HECTD4: variants seen among roughly 807,000 people sequenced by gnomAD.
HECTD4 encodes probable E3 ubiquitin-protein ligase HECTD4.
In HECTD4, 114 loss-of-function variants were observed where a neutral mutation model predicts 471.5. The ratio of observed to expected loss-of-function variants is 0.24; its 90% CI spans 0.21 to 0.28. The LOEUF (loss-of-function observed/expected upper bound fraction) is 0.28. Ranked by LOEUF, HECTD4 falls within the 10% of genes least tolerant of loss-of-function variation. HECTD4 has a pLI of 1.00. For synonymous variants in HECTD4, 2,012 were observed against 2,256.0 expected (o/e 0.89, Z 3.07); for missense variants, 3,866 against 5,651.5 (o/e 0.68, Z 10.13).
At chr12:112,167,182 G>C (rs962031594) in intron 72 of HECTD4, 135 bp downstream of exon 72, 2 of 683,394 alleles carry the variant, frequency 2.9e-6, no homozygotes, top group Admixed American at 6.6e-5. Flanking sequence ...CCTGGCACAT[G>C]GCTCACACCC....
In HECTD4 at chr12:112,265,373, T is replaced by C. The variant is rs901662977; in HGVS notation, c.2499-78A>G. ...AAGGATAAATTTTATATAATTAGTA[T>C]AAGATGACAAATAAAAGATACATAA... is the stretch of plus-strand genomic sequence containing the variant. On this transcript the variant is annotated intron_variant, in intron 15 of 75. Transcript: ENST00000682272. 5.3e-6 allele frequency: 5 copies of C among 941,402 alleles called. No homozygotes were observed. The African/African-American group carries it at 6.8e-5, about 13-fold the overall frequency. The allele number at this position is 941,402 out of a possible 1,614,324, so 58.3% of individuals were successfully genotyped here.
chr12:112,326,079 G>A lies in HECTD4; in HGVS notation c.178-6337C>T, dbSNP rs148793806. Among the ~76,000 whole-genome samples the A allele has an allele frequency of 1.6e-4, 25 of 152,016 alleles. No homozygotes were observed. In the East Asian group the frequency reaches 4.3e-3, roughly 26 times the overall value. On this transcript the variant is annotated intron_variant, in intron 1 of 75. Transcript: ENST00000682272. Reference sequence around the variant, plus strand: ...GATGGGATTGCAGGCATGAGCCACCGCACCTGGCCAACATAAGTGTTTTTA... The same window carrying A: ...GATGGGATTGCAGGCATGAGCCACCACACCTGGCCAACATAAGTGTTTTTA...
At position 112,230,754 on chromosome 12, in the gene HECTD4, A is replaced by C; in HGVS notation, c.6269T>G (p.Leu2090Trp). The C allele has an allele frequency of 6.2e-7, 1 of 1,611,280 alleles. No individual in the cohort carries two copies. Among genetic ancestry groups the C allele is most frequent in the Non-Finnish European group, 8.5e-7 (1 of 1,178,752 alleles). Reference protein sequence around the residue: ...ANSMAAEVIALLHSLLMAPES... With the variant: ...ANSMAAEVIAWLHSLLMAPES... The stretch of plus-strand genomic sequence containing the variant: ...AGGTGCCATGAGCAAGCTATGTAGC[A>C]AGGCGATCACTTCTGCAGCCATGCT... The change falls in exon 40 of 76, where the codon TTG becomes TGG. Residue 2090 changes from leucine to tryptophan, a missense_variant. Around this residue, in one of 16 missense-constraint regions of HECTD4, gnomAD observed 617 missense variants for 915.1 expected, o/e 0.67. Transcript: ENST00000682272.
chr12:112,296,025 C>T (rs1438910654), intron 7 of HECTD4, among the ~76,000 whole-genome samples: 1 of 152,164 alleles, frequency 6.6e-6, no homozygotes, highest in Non-Finnish European at 1.5e-5. Context: ...TGGTTATCTA[C>T]AGTCCAATAT....
At chr12:112,268,802 C>T (rs201605555) in intron 13 of HECTD4, among the ~76,000 whole-genome samples, 3 of 106,494 alleles carry the variant, frequency 2.8e-5, no homozygotes, top group African/African-American at 1.1e-4. Context: ...AAAAACAAAC[C>T]AAAAAAAAAA....
rs1023850377 is a variant in HECTD4 at position 112,382,355 on chromosome 12, G to A, written c.-227C>T. 12 of 397,496 alleles carry A rather than the reference G, an allele frequency of 3.0e-5. No individual in the cohort carries two copies. Among genetic ancestry groups the A allele is most frequent in the South Asian group, 1.3e-4 (3 of 22,952 alleles). The allele number at this position is 397,496 out of a possible 1,614,324, so 24.6% of individuals were successfully genotyped here. A position where few individuals can be genotyped will look rare whatever the true frequency, so the allele number is the denominator to read the frequency against. On this transcript the variant is annotated 5_prime_UTR_variant, in exon 1 of 76. Transcript: ENST00000682272. ...CGCCGCCGCCGCCGCCGCCGCCGCCGCCGCCCTCAGGAGCAGGATCCGCCT... is the reference window on the plus strand; with the variant it reads ...CGCCGCCGCCGCCGCCGCCGCCGCCACCGCCCTCAGGAGCAGGATCCGCCT...
intron 72 of HECTD4, chr12:112,167,032 C>G (rs889825408): frequency 9.0e-6 from 3 of 335,004 alleles, no homozygotes; most frequent in Non-Finnish European, 1.6e-5. Context: ...GTTCACTCAG[C>G]TCCAGGAGCC....
chr12:112,250,935 C>T (rs1175813751), intron 24 of HECTD4, 36 bp downstream of exon 24: 2 of 1,560,368 alleles, frequency 1.3e-6, no homozygotes, highest in South Asian at 1.2e-5. Flanking sequence ...TTTTCCTTTG[C>T]AGGCAACACT....
At chr12:112,211,180 T>C (rs1160299140) in intron 49 of HECTD4, among the ~76,000 whole-genome samples, 1 of 152,126 alleles carries the variant, frequency 6.6e-6, no homozygotes, top group East Asian at 1.9e-4. Context: ...TGAAACCTCA[T>C]TTCTACTAAA....
chr12:112,231,577 T>C lies in HECTD4; in HGVS notation c.6136A>G (p.Thr2046Ala), dbSNP rs2033381179. Residue 2046 changes from threonine (T) to alanine (A), a missense_variant, in exon 39 of 76, where the codon ACA becomes GCA. Physicochemically the swap from Thr to Ala is moderately conservative, Grantham distance 58 (BLOSUM62 0). Transcript: ENST00000682272. ...TGGGCAGTTTTCTTTTTGTCGCCTGTGGATAGTCCACTCACAGTCTCTGGG... is the reference window on the plus strand; with the variant it reads ...TGGGCAGTTTTCTTTTTGTCGCCTGCGGATAGTCCACTCACAGTCTCTGGG... ...INPETVSGLSTGDKKKTAQTS... is the reference protein window; with the variant it reads ...INPETVSGLSAGDKKKTAQTS... The C allele has an allele frequency of 6.2e-7, 1 of 1,613,942 alleles. No homozygotes were observed. Among genetic ancestry groups the C allele is most frequent in the South Asian group, 1.1e-5 (1 of 91,086 alleles).
chr12:112,169,495 C>T lies in HECTD4; in HGVS notation c.12208+8G>A. ...CTCCAGCGTGGAGCCTGGCGGGCCA[C>T]CACTTACTGGTGCCATGGACCTCCT... On this transcript the variant is annotated splice_region_variant and intron_variant, in intron 70 of 75. Transcript: ENST00000682272. 1 of 1,605,232 alleles carries T rather than the reference C, an allele frequency of 6.2e-7. No individual in the cohort carries two copies. Among genetic ancestry groups the T allele is most frequent in the Non-Finnish European group, 8.5e-7 (1 of 1,175,324 alleles).
chr12:112,223,718 C>A (rs995839528), intron 44 of HECTD4, among the ~76,000 whole-genome samples: 3 of 152,126 alleles, frequency 2.0e-5, no homozygotes, highest in African/African-American at 7.2e-5. Flanking sequence ...CCACGTCCGG[C>A]CTTCAGGAAT....
At chr12:112,212,898 C>T (rs1593935894) in intron 48 of HECTD4, among the ~76,000 whole-genome samples, 1 of 152,314 alleles carries the variant, frequency 6.6e-6, no homozygotes, top group South Asian at 2.1e-4. Context: ...CAGGTTCAAG[C>T]AATTTTCCTG....
intron 43 of HECTD4, among the ~76,000 whole-genome samples, chr12:112,227,173 T>C (rs891909582): frequency 6.6e-6 from 1 of 152,162 alleles, no homozygotes; most frequent in Non-Finnish European, 1.5e-5. Context: ...AGAAGTGTCA[T>C]TGTTGGCCGG....
Position 112,184,325 on chromosome 12 carries a change from G to T in HECTD4, c.10641C>A (p.Gly3547=), listed in dbSNP as rs768549410. The change falls in exon 61 of 76, where the codon GGC becomes GGA. Residue 3547 remains glycine, a synonymous_variant. Coordinates refer to ENST00000682272, the MANE Select transcript of HECTD4 (RefSeq NM_001388303.1). This position sits in a 1 kb window ranked among gnomAD's most constrained non-coding sequence, Gnocchi z 9.1. ...DISLCSTGSL[G]SLGSLGEPLD... Reference sequence around the variant, plus strand: ...GGGGCTCCCCCAGGCTGCCCAGGCTGCCCAGGCTGCCGGTGCTGCACAGGG... The same window carrying T: ...GGGGCTCCCCCAGGCTGCCCAGGCTTCCCAGGCTGCCGGTGCTGCACAGGG... The T allele has an allele frequency of 6.2e-7, 1 of 1,613,160 alleles. No individual in the cohort carries two copies. Among genetic ancestry groups the T allele is most frequent in the South Asian group, 1.1e-5 (1 of 91,078 alleles).
In HECTD4 at chr12:112,230,900, T is replaced by C. The variant is rs2033362881; in HGVS notation, c.6201-78A>G. 10 of 1,376,336 alleles carry C rather than the reference T, an allele frequency of 7.3e-6. No individual in the cohort carries two copies. The South Asian group carries it at 1.4e-4, about 19-fold the overall frequency. The allele number at this position is 1,376,336 out of a possible 1,614,324, so 85.3% of individuals were successfully genotyped here. On this transcript the variant is annotated intron_variant, in intron 39 of 75. Transcript: ENST00000682272. ...AGGGAAGTGGCTTTCAGGGTTAGCA[T>C]CAGAGGAAAACCTTTTCTTTTTATA...
At chr12:112,277,690 G>T (rs1379320439) in intron 9 of HECTD4, among the ~76,000 whole-genome samples, 1 of 152,202 alleles carries the variant, frequency 6.6e-6, no homozygotes, top group Non-Finnish European at 1.5e-5. Context: ...GTGGAATTGT[G>T]CATGAATAGA....
At chr12:112,249,999 C>T (rs1377519881) in intron 25 of HECTD4, 145 bp downstream of exon 25, 1 of 692,514 alleles carries the variant, frequency 1.4e-6, no homozygotes, top group East Asian at 2.7e-5. Flanking sequence ...CTGGTGGGCC[C>T]TCTAGACTCA....
chr12:112,321,707 C>T (rs146626071), intron 1 of HECTD4: 6 of 151,944 alleles, frequency 3.9e-5, no homozygotes, highest in Non-Finnish European at 5.9e-5. Context: ...ACAATGCAAA[C>T]GCTGTAATTG....
Sources: allele counts gnomAD v4.1 joint callset (sites outside exome capture counted in the v4.1 genomes callset), GRCh38; gene constraint gnomAD v4.1.1; regional missense constraint gnomAD v4.1.1; non-coding constraint Gnocchi (gnomAD v3.1); transcripts MANE v1.5; gene names NCBI Gene and HGNC (gene_info 2026-07-23, HGNC 2026-07-21).